PCDH15: variants seen among roughly 807,000 people sequenced by gnomAD.
The protein encoded by PCDH15 is protocadherin-15.
In PCDH15, 129 loss-of-function variants were observed where a neutral mutation model predicts 178.5. The ratio of observed to expected loss-of-function variants is 0.72; its 90% CI spans 0.63 to 0.84. The LOEUF is 0.84. PCDH15 is among the 40% of genes least tolerant of loss of function. PCDH15 has a pLI of 0.00. For synonymous variants in PCDH15, 800 were observed against 732.0 expected, an observed-to-expected ratio of 1.09 and a Z score of -1.50; for missense variants, 2,230 against 2,099.9, an observed-to-expected ratio of 1.06 and a Z score of -1.21.
chr10:54,215,835 A>T (rs543840311), intron 9 of PCDH15, among the ~76,000 whole-genome samples: 1 of 151,666 alleles, frequency 6.6e-6, no homozygotes, highest in East Asian at 2.0e-4. Context: ...AGGTCAGGAG[A>T]TCCAGACCAT....
chr10:55,569,353 A>G (rs1254583678), intron 2 of PCDH15, among the ~76,000 whole-genome samples: 2 of 152,012 alleles, frequency 1.3e-5, no homozygotes, highest in Non-Finnish European at 1.5e-5. Context: ...TTAGCTTTCC[A>G]GGTCATATAT....
chr10:54,231,360 T>C (rs1442941422), intron 9 of PCDH15, among the ~76,000 whole-genome samples: 2 of 152,228 alleles, frequency 1.3e-5, no homozygotes, highest in Non-Finnish European at 2.9e-5. Context: ...AGGGCAATGG[T>C]TGAGGCTTGG....
At chr10:55,480,731 G>C (rs190618366) in intron 2 of PCDH15, among the ~76,000 whole-genome samples, 1 of 151,976 alleles carries the variant, frequency 6.6e-6, no homozygotes. Flanking sequence ...GAGTCAGTTT[G>C]CTAGTGTTTT....
At chr10:55,017,304 A>G (rs556235702) in intron 2 of PCDH15, among the ~76,000 whole-genome samples, 8 of 151,980 alleles carry the variant, frequency 5.3e-5, no homozygotes, top group African/African-American at 1.4e-4. Flanking sequence ...CCATAACTCT[A>G]TTTCCCCTCT....
chr10:53,988,726 A>T (rs1259645669), intron 21 of PCDH15, among the ~76,000 whole-genome samples: 1 of 152,186 alleles, frequency 6.6e-6, no homozygotes, highest in Non-Finnish European at 1.5e-5. Context: ...TCTGTGGGCC[A>T]GTCCCAGAGA....
intron 25 of PCDH15, among the ~76,000 whole-genome samples, chr10:53,934,956 T>TAAA (rs370478961): frequency 6.8e-6 from 1 of 147,432 alleles, no homozygotes; most frequent in African/African-American, 2.5e-5. Context: ...AGTCTAGAAT[T>TAAA]AAAAAAAAAA....
intron 3 of PCDH15, among the ~76,000 whole-genome samples, chr10:54,413,717 G>A (rs1431518575): frequency 6.6e-6 from 1 of 152,120 alleles, no homozygotes; most frequent in Non-Finnish European, 1.5e-5. Flanking sequence ...TTAAAAAAAT[G>A]AGAAATTATT....
At chr10:55,077,140 T>C (rs1841914429) in intron 2 of PCDH15, among the ~76,000 whole-genome samples, 2 of 152,014 alleles carry the variant, frequency 1.3e-5, no homozygotes, top group Non-Finnish European at 2.9e-5. Context: ...GAATATCTTT[T>C]TCTGTCACTA....
At chr10:55,480,564 G>T (rs1230747525) in intron 2 of PCDH15, among the ~76,000 whole-genome samples, 2 of 151,722 alleles carry the variant, frequency 1.3e-5, no homozygotes, top group African/African-American at 2.4e-5. Context: ...TTTATCAAAA[G>T]CCTTTCCTGC....
chr10:54,179,119 G>A (rs551477628), intron 13 of PCDH15, among the ~76,000 whole-genome samples: 12 of 152,140 alleles, frequency 7.9e-5, no homozygotes, highest in Non-Finnish European at 8.8e-5. Context: ...ACATACACAC[G>A]TATGTTTATT....
chr10:54,792,869 A>C (rs938324228), intron 1 of PCDH15, among the ~76,000 whole-genome samples: 1 of 151,838 alleles, frequency 6.6e-6, no homozygotes, highest in African/African-American at 2.4e-5. Flanking sequence ...GAGCACTGGC[A>C]GGGTGGGATC....
At chr10:55,602,351 AG>A (rs1843106151) in intron 2 of PCDH15, among the ~76,000 whole-genome samples, 1 of 133,646 alleles carries the variant, frequency 7.5e-6, no homozygotes, top group African/African-American at 2.6e-5. Flanking sequence ...AGGTAAAAAA[AG>A]CGGCTGGGAA....
chr10:54,541,891 T>C (rs112166080), intron 2 of PCDH15, among the ~76,000 whole-genome samples: 1 of 152,182 alleles, frequency 6.6e-6, no homozygotes, highest in African/African-American at 2.4e-5. Flanking sequence ...AATTACACTC[T>C]TCCAACAGAG....
At chr10:53,809,621 C>A (rs886903999) in intron 37 of PCDH15, 8 of 1,394,408 alleles carry the variant, frequency 5.7e-6, no homozygotes, top group Non-Finnish European at 7.8e-6. Context: ...ACGAAAGCTA[C>A]GCAGGAATGA....
intron 2 of PCDH15, among the ~76,000 whole-genome samples, chr10:54,580,600 A>C (rs574199809): frequency 6.6e-6 from 1 of 152,198 alleles, no homozygotes; most frequent in South Asian, 2.1e-4. Flanking sequence ...CATTCTATGA[A>C]GCCAGCATCA....
intron 1 of PCDH15, among the ~76,000 whole-genome samples, chr10:55,224,150 A>G (rs908322629): frequency 9.2e-5 from 14 of 152,112 alleles, no homozygotes; most frequent in Non-Finnish European, 2.1e-4. Flanking sequence ...GCAGTGAGCC[A>G]GATTGCACCA....
intron 1 of PCDH15, among the ~76,000 whole-genome samples, chr10:54,792,653 G>A (rs1464245840): frequency 1.3e-5 from 2 of 151,750 alleles, no homozygotes; most frequent in African/African-American, 2.4e-5. Flanking sequence ...ACTCAGACTG[G>A]ATCAATACCA....
At chr10:55,350,883 A>G (rs1357190573) in intron 2 of PCDH15, among the ~76,000 whole-genome samples, 1 of 152,120 alleles carries the variant, frequency 6.6e-6, no homozygotes, top group Non-Finnish European at 1.5e-5. Flanking sequence ...TCAATTGTTT[A>G]AAAATAAATC....
At chr10:54,871,517 A>T (rs867989522) in intron 3 of PCDH15, among the ~76,000 whole-genome samples, 73 of 152,080 alleles carry the variant, frequency 4.8e-4, no homozygotes, top group South Asian at 1.9e-3. Context: ...TTTTAATAGA[A>T]CTCTAGTCTG....
Sources: gnomAD v4.1 joint callset for allele counts (sites outside exome capture counted in the v4.1 genomes callset) on GRCh38, gnomAD v4.1.1 for gene constraint, MANE v1.5 for transcripts, NCBI Gene and HGNC (gene_info 2026-07-23, HGNC 2026-07-21) for gene names.